The following HHIP variants were observed in gnomAD, a reference collection of about 807,000 sequenced individuals.
The protein encoded by HHIP is hedgehog interacting protein.
In HHIP, 12 loss-of-function variants were observed where a neutral mutation model predicts 74.0. That is an observed-to-expected ratio of 0.16 (90% CI 0.10 to 0.26). HHIP has a LOEUF of 0.26. Ranked by LOEUF, HHIP falls within the 10% of genes least tolerant of loss-of-function variation. HHIP has a pLI of 1.00. For missense variants in HHIP, 788 were observed against 845.0 expected, an observed-to-expected ratio of 0.93 and a Z score of 0.84; for synonymous variants, 309 against 311.6, an observed-to-expected ratio of 0.99 and a Z score of 0.09.
At chr4:144,698,774 A>G (rs1729894403) in intron 4 of HHIP, among the ~76,000 whole-genome samples, 1 of 152,184 alleles carries the variant, frequency 6.6e-6, no homozygotes, top group Non-Finnish European at 1.5e-5. Flanking sequence ...AAGCCAAAAG[A>G]GTGGATTACA....
chr4:144,655,872 C>T (rs574692609), intron 2 of HHIP, among the ~76,000 whole-genome samples: 13 of 151,916 alleles, frequency 8.6e-5, no homozygotes, highest in East Asian at 3.9e-4. Context: ...TTATTTTATA[C>T]GTCAGTATTT....
At chr4:144,693,147 A>C (rs1441558563) in intron 4 of HHIP, among the ~76,000 whole-genome samples, 1 of 152,050 alleles carries the variant, frequency 6.6e-6, no homozygotes, top group Non-Finnish European at 1.5e-5. Flanking sequence ...CACTATAAAC[A>C]CTTCATTTGC....
Position 144,742,962 on chromosome 4 carries a change from AAGATATATG to A in HHIP, c.*5006_*5014del, listed in dbSNP as rs1560729071. ...TCTTATATATATATCTTATACATAT[AAGATATATG>A]TATATATATATACATTATATATATA... is the stretch of plus-strand genomic sequence containing the variant. On this transcript the variant is annotated 3_prime_UTR_variant, in exon 13 of 13. Transcript: ENST00000296575. 11 of 4,524 alleles carry A rather than the reference AAGATATATG, an allele frequency of 2.4e-3. No individual in the cohort carries two copies. The Non-Finnish European group carries it at 0.08, about 33-fold the overall frequency. 0.3% of individuals were successfully genotyped at this position (4,524 alleles called of 1,614,324 possible).
intron 11 of HHIP, among the ~76,000 whole-genome samples, chr4:144,733,970 G>A (rs947953809): frequency 3.9e-5 from 6 of 152,068 alleles, no homozygotes; most frequent in African/African-American, 1.4e-4. Flanking sequence ...CAAATAAGAT[G>A]TTTCTGTTTG....
At chr4:144,711,116 GA>G (rs1181307656) in intron 7 of HHIP, among the ~76,000 whole-genome samples, 2 of 152,144 alleles carry the variant, frequency 1.3e-5, no homozygotes, top group Non-Finnish European at 2.9e-5. Context: ...ATTAGGGATG[GA>G]AAACATGAAA....
At chr4:144,709,839 A>G (rs773817558) in intron 7 of HHIP, among the ~76,000 whole-genome samples, 10 of 152,154 alleles carry the variant, frequency 6.6e-5, no homozygotes, top group Admixed American at 3.9e-4. Context: ...ACATTTTTAT[A>G]TTACCCGTAC....
intron 4 of HHIP, among the ~76,000 whole-genome samples, chr4:144,682,740 G>C (rs1253071522): frequency 6.6e-6 from 1 of 152,194 alleles, no homozygotes; most frequent in Non-Finnish European, 1.5e-5. Flanking sequence ...TTGACACTAA[G>C]ACTCTAAGAA....
chr4:144,712,095 T>C, intron 8 of HHIP, 24 bp downstream of exon 8: 1 of 1,600,976 alleles, frequency 6.2e-7, no homozygotes, highest in Non-Finnish European at 8.5e-7. Context: ...AATTTGCTGA[T>C]TTTGCTTTAG....
chr4:144,650,083 G>A (rs1445152465), intron 1 of HHIP, among the ~76,000 whole-genome samples: 1 of 152,016 alleles, frequency 6.6e-6, no homozygotes, highest in African/African-American at 2.4e-5. Context: ...TCCCCTCATC[G>A]AACCCATGTG....
intron 11 of HHIP, among the ~76,000 whole-genome samples, chr4:144,732,074 G>C (rs1396130028): frequency 6.6e-6 from 1 of 151,986 alleles, no homozygotes; most frequent in Non-Finnish European, 1.5e-5. Context: ...TCTGCCCTCA[G>C]AAAAACTTCA....
At chr4:144,659,081 G>A in intron 3 of HHIP, 135 bp downstream of exon 3, 7 of 628,948 alleles carry the variant, frequency 1.1e-5, no homozygotes, top group South Asian at 3.3e-5. Context: ...TTTTCTCTGT[G>A]GTAGTTTGTT....
At chr4:144,656,026 C>A (rs1439852723) in intron 2 of HHIP, among the ~76,000 whole-genome samples, 2 of 152,060 alleles carry the variant, frequency 1.3e-5, no homozygotes, top group Non-Finnish European at 2.9e-5. Flanking sequence ...GTAGACCTGA[C>A]CATATTATGA....
intron 4 of HHIP, among the ~76,000 whole-genome samples, chr4:144,686,033 C>CT (rs1330367335): frequency 1.3e-5 from 2 of 152,146 alleles, no homozygotes; most frequent in Non-Finnish European, 2.9e-5. Flanking sequence ...ATACAGCCTT[C>CT]TTTTTTGCCA....
chr4:144,656,044 G>A (rs1021913042), intron 2 of HHIP, among the ~76,000 whole-genome samples: 4 of 152,084 alleles, frequency 2.6e-5, no homozygotes, highest in Non-Finnish European at 4.4e-5. Flanking sequence ...TGATGATCCC[G>A]AGTGAGCTAA....
intron 4 of HHIP, among the ~76,000 whole-genome samples, chr4:144,693,628 A>G (rs1172771233): frequency 1.3e-5 from 2 of 151,930 alleles, no homozygotes; most frequent in African/African-American, 4.8e-5. Context: ...TTCTTTATAA[A>G]TCCTATTCTA....
At chr4:144,698,245 T>G (rs1729876773) in intron 4 of HHIP, among the ~76,000 whole-genome samples, 1 of 152,184 alleles carries the variant, frequency 6.6e-6, no homozygotes, top group Admixed American at 6.5e-5. Flanking sequence ...AAGATGAGCT[T>G]GTGTCCCAAC....
In HHIP at chr4:144,677,076, C is replaced by G. The variant is rs370812468; in HGVS notation, c.831+17238C>G. Among the ~76,000 whole-genome samples the G allele has an allele frequency of 7.2e-5, 11 of 152,262 alleles. No individual in the cohort carries two copies. The East Asian group carries it at 1.9e-3, about 27-fold the overall frequency. On this transcript the variant is annotated intron_variant, in intron 4 of 12. Coordinates refer to ENST00000296575, the MANE Select transcript of HHIP (RefSeq NM_022475.3). ...TCTCTTCTGTGGTAAACAGCAAGGA[C>G]AGTTATGGCCAGCCTCCCAATGACA...
intron 4 of HHIP, among the ~76,000 whole-genome samples, chr4:144,668,558 C>A (rs1728942653): frequency 6.6e-6 from 1 of 152,104 alleles, no homozygotes; most frequent in South Asian, 2.1e-4. Context: ...TCGAGATGAT[C>A]ATGGCCAATA....
rs112943830 is a variant in HHIP, at chr4:144,742,395, C to T, written c.*4438C>T. On this transcript the variant is annotated 3_prime_UTR_variant, in exon 13 of 13. Transcript: ENST00000296575. ...CACTAACAGTCCAGAGGCTCCAATTCAGCTGCTCTAGCATAGATACAGGAA... is the reference window on the plus strand; with the variant it reads ...CACTAACAGTCCAGAGGCTCCAATTTAGCTGCTCTAGCATAGATACAGGAA... 31 of 152,202 alleles carry T rather than the reference C, an allele frequency of 2.0e-4. No individual in the cohort carries two copies. The highest frequency in any genetic ancestry group is 5.5e-4 in the African/African-American group (23 of 41,544). The allele number at this position is 152,202 out of a possible 1,614,324, so 9.4% of individuals were successfully genotyped here.
Sources: allele counts gnomAD v4.1 joint callset (sites outside exome capture counted in the v4.1 genomes callset), GRCh38; gene constraint gnomAD v4.1.1; transcripts MANE v1.5; gene names NCBI Gene and HGNC (gene_info 2026-07-23, HGNC 2026-07-21).